Variants in SORCS2 observed in about 807,000 individuals in gnomAD.
SORCS2 encodes VPS10 domain-containing receptor SorCS2.
A neutral mutation model predicts 141.6 loss-of-function variants in SORCS2; 100 were observed. That is an observed-to-expected ratio of 0.71 (90% CI 0.60 to 0.83). The LOEUF (loss-of-function observed/expected upper bound fraction) is 0.83. Among genes scored for constraint, SORCS2 ranks in the 40% least tolerant of loss-of-function variants. SORCS2 has a pLI of 0.00. For synonymous variants in SORCS2, 789 were observed against 676.9 expected, an observed-to-expected ratio of 1.17 and a Z score of -2.57; for missense variants, 1,646 against 1,560.2, an observed-to-expected ratio of 1.05 and a Z score of -0.93.
At chr4:7,373,479 T>TATATATAA (rs60434529) in intron 1 of SORCS2, among the ~76,000 whole-genome samples, 169 of 15,498 alleles carry the variant, frequency 0.011, 8 homozygotes, top group African/African-American at 0.026. Flanking sequence ...TATATATATA[T>TATATATAA]TTTTTTTTTT....
intron 8 of SORCS2, among the ~76,000 whole-genome samples, chr4:7,674,594 A>T (rs1238585730): frequency 2.4e-4 from 35 of 147,798 alleles, no homozygotes; most frequent in East Asian, 5.9e-4. Flanking sequence ...AAAAAAAAAA[A>T]AAAAAAAAAA....
At chr4:7,588,987 C>T (rs559935279) in intron 3 of SORCS2, among the ~76,000 whole-genome samples, 9 of 152,274 alleles carry the variant, frequency 5.9e-5, no homozygotes, top group East Asian at 1.9e-4. Flanking sequence ...ATATGGGCTG[C>T]GGGCCCAGGG....
At chr4:7,370,655 C>T (rs1160241670) in intron 1 of SORCS2, among the ~76,000 whole-genome samples, 1 of 152,232 alleles carries the variant, frequency 6.6e-6, no homozygotes, top group Non-Finnish European at 1.5e-5. Context: ...GCGGCCCCTG[C>T]CTGCCGGTGG....
At chr4:7,681,174 A>G (rs1723503506) in intron 9 of SORCS2, among the ~76,000 whole-genome samples, 1 of 152,170 alleles carries the variant, frequency 6.6e-6, no homozygotes, top group South Asian at 2.1e-4. Context: ...CACTGGAGAG[A>G]ATAGTGACCC....
chr4:7,546,298 C>T (rs565969409), intron 3 of SORCS2, among the ~76,000 whole-genome samples: 1 of 152,144 alleles, frequency 6.6e-6, no homozygotes, highest in Non-Finnish European at 1.5e-5. Context: ...CCAAGGCCTC[C>T]CTCCAGGTCC....
At chr4:7,326,211 G>T (rs1719250116) in intron 1 of SORCS2, among the ~76,000 whole-genome samples, 1 of 152,082 alleles carries the variant, frequency 6.6e-6, no homozygotes, top group South Asian at 2.1e-4. Flanking sequence ...ATCACTGAGG[G>T]CCTAAGACAG....
At chr4:7,643,784 T>C (rs1720883764) in intron 4 of SORCS2, among the ~76,000 whole-genome samples, 1 of 152,120 alleles carries the variant, frequency 6.6e-6, no homozygotes, top group African/African-American at 2.4e-5. Flanking sequence ...GCCCTAATAT[T>C]GAGTGAACAG....
intron 3 of SORCS2, among the ~76,000 whole-genome samples, chr4:7,546,520 T>C (rs1713275570): frequency 6.6e-6 from 1 of 151,966 alleles, no homozygotes; most frequent in Non-Finnish European, 1.5e-5. Flanking sequence ...TAAATGGTGC[T>C]GTCCTTCAAG....
At chr4:7,327,366 G>A (rs1232036137) in intron 1 of SORCS2, among the ~76,000 whole-genome samples, 1 of 152,170 alleles carries the variant, frequency 6.6e-6, no homozygotes, top group Non-Finnish European at 1.5e-5. Flanking sequence ...CTGTCTTCAC[G>A]TGGCCCCTCC....
chr4:7,726,257 C>T (rs746946207), intron 20 of SORCS2, among the ~76,000 whole-genome samples: 7 of 152,200 alleles, frequency 4.6e-5, no homozygotes, highest in African/African-American at 1.7e-4. Context: ...CATCAGGCCT[C>T]CTAAATGCCC....
chr4:7,330,977 G>A (rs745370221), intron 1 of SORCS2, among the ~76,000 whole-genome samples: 2 of 152,146 alleles, frequency 1.3e-5, no homozygotes, highest in Non-Finnish European at 2.9e-5. Context: ...GCGAGGGAGA[G>A]GAATGTGGGT....
intron 1 of SORCS2, among the ~76,000 whole-genome samples, chr4:7,342,580 A>T (rs1167264998): frequency 6.6e-6 from 1 of 151,806 alleles, no homozygotes; most frequent in African/African-American, 2.4e-5. Context: ...CGTGAAAGGG[A>T]GGTGGAGGCG....
intron 3 of SORCS2, among the ~76,000 whole-genome samples, chr4:7,610,653 C>G (rs971368053): frequency 6.6e-6 from 1 of 152,134 alleles, no homozygotes. Flanking sequence ...ACATTCTGTG[C>G]TCGGTTTTTC....
rs559175481 is a variant in SORCS2, at chr4:7,649,253, T to C, written c.814-4881T>C. ...AGATGCTCAGAGGACCCTGTGCACATATTAGTGCCACATGTGTGAGTGAGC... is the reference window on the plus strand; with the variant it reads ...AGATGCTCAGAGGACCCTGTGCACACATTAGTGCCACATGTGTGAGTGAGC... On this transcript the variant is annotated intron_variant, in intron 4 of 26. Transcript: ENST00000507866. 1.7e-3 allele frequency among the ~76,000 whole-genome samples: 251 copies of C among 150,780 alleles called. 1 individual carries two copies. The highest frequency in any genetic ancestry group is 6.0e-3 in the African/African-American group (245 of 41,102).
Position 7,611,990 on chromosome 4 carries a change from G to A in SORCS2, c.649-26338G>A, listed in dbSNP as rs570267215. Among the ~76,000 whole-genome samples, 114 of 152,374 alleles carry A rather than the reference G, an allele frequency of 7.5e-4. 1 individual carries two copies. Among genetic ancestry groups the A allele is most frequent in the African/African-American group, 2.1e-3 (87 of 41,596 alleles). ...CCCATGCCCAGCTCTGGGCTCTGCC[G>A]TGGGTTCCGGTTTCATCTGATGTGA... On this transcript the variant is annotated intron_variant, in intron 3 of 26. Coordinates refer to ENST00000507866, the MANE Select transcript of SORCS2 (RefSeq NM_020777.3).
intron 23 of SORCS2, among the ~76,000 whole-genome samples, chr4:7,732,853 G>A (rs188601414): frequency 8.5e-5 from 13 of 152,138 alleles, no homozygotes; most frequent in Non-Finnish European, 1.6e-4. Context: ...GATTATTCCC[G>A]TGGTACAAAG....
chr4:7,729,459 G>T, intron 22 of SORCS2, 128 bp from the exon 23 acceptor site: 1 of 1,259,904 alleles, frequency 7.9e-7, no homozygotes, highest in Non-Finnish European at 1.1e-6. Flanking sequence ...ACGCCATGCA[G>T]GGGTCAGGAA....
chr4:7,583,124 C>T (rs994270508), intron 3 of SORCS2, among the ~76,000 whole-genome samples: 1 of 152,196 alleles, frequency 6.6e-6, no homozygotes. Flanking sequence ...CCTGGGACAG[C>T]AGCCACCTCT....
intron 3 of SORCS2, among the ~76,000 whole-genome samples, chr4:7,614,088 C>A (rs988922040): frequency 6.6e-6 from 1 of 151,860 alleles, no homozygotes; most frequent in Admixed American, 6.6e-5. Context: ...TTCATCCACC[C>A]ACCCATCACC....
Sources: allele counts gnomAD v4.1 joint callset (sites outside exome capture counted in the v4.1 genomes callset), GRCh38; gene constraint gnomAD v4.1.1; transcripts MANE v1.5; gene names NCBI Gene and HGNC (gene_info 2026-07-23, HGNC 2026-07-21).